The following NRG1 variants were observed in gnomAD, a reference collection of about 807,000 sequenced individuals.
NRG1 encodes pro-neuregulin-1, membrane-bound isoform.
NRG1 carries 18 observed loss-of-function variants against 63.8 expected under a neutral mutation model. The ratio of observed to expected loss-of-function variants is 0.28; its 90% CI spans 0.19 to 0.42. NRG1 has a LOEUF of 0.42. Ranked by LOEUF, NRG1 falls within the 10% of genes least tolerant of loss-of-function variation. The probability of loss-of-function intolerance (pLI) is 1.00; values close to 1 mark genes in which losing one functional copy is unlikely to be tolerated. For synonymous variants in NRG1, 302 were observed against 301.3 expected, an observed-to-expected ratio of 1.00 and a Z score of -0.02; for missense variants, 762 against 814.7, an observed-to-expected ratio of 0.94 and a Z score of 0.79.
chr8:32,196,118 A>AGTGTGTGTGTGT (rs55951634), intron 1 of NRG1, among the ~76,000 whole-genome samples: 7,854 of 146,852 alleles, frequency 0.053, 289 homozygotes, highest in Middle Eastern at 0.077. Context: ...AAAAACAATG[A>AGTGTGTGTGTGT]GTGTGTGTGT....
chr8:32,554,889 G>T (rs1834814198), intron 1 of NRG1, among the ~76,000 whole-genome samples: 1 of 147,452 alleles, frequency 6.8e-6, no homozygotes, highest in South Asian at 2.2e-4. Flanking sequence ...GCATCACACT[G>T]CTATTCCCCA....
chr8:32,019,466 T>C (rs944936608), intron 1 of NRG1, among the ~76,000 whole-genome samples: 6 of 152,254 alleles, frequency 3.9e-5, no homozygotes, highest in African/African-American at 1.4e-4. Flanking sequence ...CTGTGTAATA[T>C]GTTTTTCCAC....
chr8:32,664,359 A>T (rs532720248), intron 5 of NRG1, among the ~76,000 whole-genome samples: 1 of 152,084 alleles, frequency 6.6e-6, no homozygotes, highest in Non-Finnish European at 1.5e-5. Context: ...AGGCATCTTC[A>T]TATTGCATGG....
intron 1 of NRG1, among the ~76,000 whole-genome samples, chr8:32,126,481 T>G (rs1475379113): frequency 6.6e-6 from 1 of 151,868 alleles, no homozygotes; most frequent in Non-Finnish European, 1.5e-5. Context: ...AAGGGATCAT[T>G]CATTGTCACA....
intron 1 of NRG1, among the ~76,000 whole-genome samples, chr8:32,073,714 A>G (rs1826091278): frequency 6.6e-6 from 1 of 152,200 alleles, no homozygotes; most frequent in South Asian, 2.1e-4. Context: ...GATAAATGTC[A>G]CATGTTCGTT....
intron 1 of NRG1, among the ~76,000 whole-genome samples, chr8:32,338,989 G>C (rs925227005): frequency 2.6e-5 from 4 of 152,046 alleles, no homozygotes; most frequent in African/African-American, 9.7e-5. Flanking sequence ...AACAGGATAA[G>C]GAATAGATCC....
chr8:32,275,365 C>T (rs947451326), intron 1 of NRG1, among the ~76,000 whole-genome samples: 4 of 152,148 alleles, frequency 2.6e-5, no homozygotes, highest in East Asian at 1.9e-4. Flanking sequence ...GAATATACAG[C>T]GATAGGCAAC....
At chr8:32,244,730 A>G (rs1848444711) in intron 1 of NRG1, among the ~76,000 whole-genome samples, 1 of 152,186 alleles carries the variant, frequency 6.6e-6, no homozygotes, top group Admixed American at 6.5e-5. Flanking sequence ...GCAGGGTCTA[A>G]GAAATAGTCT....
At chr8:32,394,296 G>A (rs1463558409) in intron 1 of NRG1, among the ~76,000 whole-genome samples, 3 of 152,150 alleles carry the variant, frequency 2.0e-5, no homozygotes, top group Admixed American at 6.5e-5. Context: ...GAGAGACAAT[G>A]CTCTTTAGAT....
intron 1 of NRG1, among the ~76,000 whole-genome samples, chr8:31,935,191 A>G (rs1195032048): frequency 1.3e-5 from 2 of 151,938 alleles, no homozygotes; most frequent in Non-Finnish European, 2.9e-5. Flanking sequence ...ATCTCAGCTC[A>G]CTGCAACCTC....
chr8:32,130,489 G>A (rs1204926677), intron 1 of NRG1, among the ~76,000 whole-genome samples: 1 of 151,824 alleles, frequency 6.6e-6, no homozygotes, highest in Admixed American at 6.6e-5. Context: ...TGGTAATACT[G>A]AGGTCAGGAT....
intron 1 of NRG1, among the ~76,000 whole-genome samples, chr8:31,714,405 G>T (rs537642259): frequency 2.6e-5 from 4 of 152,120 alleles, no homozygotes; most frequent in East Asian, 3.9e-4. Context: ...ATTAGCCAGG[G>T]TTTAGAATGG....
intron 1 of NRG1, among the ~76,000 whole-genome samples, chr8:31,722,465 G>A (rs959578106): frequency 7.2e-5 from 11 of 152,156 alleles, no homozygotes; most frequent in Admixed American, 5.9e-4. Context: ...AGTCCCCAGG[G>A]TATATCATAG....
chr8:32,203,863 A>G (rs1843743031), intron 1 of NRG1, among the ~76,000 whole-genome samples: 1 of 152,190 alleles, frequency 6.6e-6, no homozygotes, highest in Non-Finnish European at 1.5e-5. Context: ...CAGAGCTTGA[A>G]CGTGGATCCA....
chr8:32,131,115 ATACATT>A (rs1428415808), intron 1 of NRG1, among the ~76,000 whole-genome samples: 1 of 151,992 alleles, frequency 6.6e-6, no homozygotes, highest in Non-Finnish European at 1.5e-5. Flanking sequence ...TAATTTCCAG[ATACATT>A]TGTTATCAAA....
intron 1 of NRG1, among the ~76,000 whole-genome samples, chr8:32,503,203 C>T (rs1490169157): frequency 1.5e-5 from 2 of 135,378 alleles, no homozygotes; most frequent in South Asian, 2.5e-4. Flanking sequence ...AGAAGAATGG[C>T]GTGAACCAGG....
At chr8:32,558,944 G>A (rs770116103) in intron 1 of NRG1, among the ~76,000 whole-genome samples, 2 of 151,798 alleles carry the variant, frequency 1.3e-5, no homozygotes, top group Non-Finnish European at 2.9e-5. Context: ...GCCGGGCAAG[G>A]TGGCATGTGC....
chr8:32,184,646 T>C (rs987252090), intron 1 of NRG1, among the ~76,000 whole-genome samples: 2 of 152,166 alleles, frequency 1.3e-5, no homozygotes, highest in Admixed American at 1.3e-4. Flanking sequence ...AAATATGTAG[T>C]AGAGCTAAAG....
At chr8:31,957,514 A>G (rs1251860248) in intron 1 of NRG1, among the ~76,000 whole-genome samples, 1 of 151,474 alleles carries the variant, frequency 6.6e-6, no homozygotes, top group Non-Finnish European at 1.5e-5. Flanking sequence ...AAACAATAGA[A>G]TAATAATGTG....
Sources: allele counts gnomAD v4.1 joint callset (sites outside exome capture counted in the v4.1 genomes callset), GRCh38; gene constraint gnomAD v4.1.1; transcripts MANE v1.5; gene names NCBI Gene and HGNC (gene_info 2026-07-23, HGNC 2026-07-21).